GSG1L: variants seen among roughly 807,000 people sequenced by gnomAD.
GSG1L encodes the protein GSG1 like.
In GSG1L, 24 loss-of-function variants were observed where a neutral mutation model predicts 42.1. The ratio of observed to expected loss-of-function variants is 0.57; its 90% confidence interval spans 0.41 to 0.80. The LOEUF is 0.80. Among genes scored for constraint, GSG1L ranks in the 30% least tolerant of loss-of-function variants. The pLI is 0.00. For synonymous variants in GSG1L, 215 were observed against 203.5 expected (o/e 1.06, Z -0.48); for missense variants, 445 against 472.2 (o/e 0.94, Z 0.53).
At chr16:28,062,953 G>A (rs1024878586) in intron 1 of GSG1L, 123 bp downstream of exon 1, 8 of 1,183,008 alleles carry the variant, frequency 6.8e-6, no homozygotes, top group African/African-American at 4.8e-5. Flanking sequence ...CTAGCCAGGC[G>A]GAGCGCTGGG....
intron 3 of GSG1L, 148 bp from the exon 4 acceptor site, chr16:27,845,209 C>A: frequency 7.1e-6 from 4 of 563,138 alleles, no homozygotes; most frequent in Non-Finnish European, 9.6e-6. Flanking sequence ...TCAGCAGGAA[C>A]AGAGCTTGGG....
intron 2 of GSG1L, among the ~76,000 whole-genome samples, chr16:27,936,176 G>A (rs1048253102): frequency 4.6e-5 from 7 of 151,888 alleles, no homozygotes; most frequent in African/African-American, 9.7e-5. Context: ...CATCCTTATC[G>A]GCAGACCATC....
chr16:27,836,226 T>C (rs1027161874), intron 4 of GSG1L, among the ~76,000 whole-genome samples: 3 of 152,160 alleles, frequency 2.0e-5, no homozygotes, highest in Non-Finnish European at 4.4e-5. Context: ...CCACTGTTGC[T>C]TGAATTTTTT....
intron 6 of GSG1L, among the ~76,000 whole-genome samples, chr16:27,798,625 G>T (rs2144403716): frequency 6.6e-6 from 1 of 152,206 alleles, no homozygotes; most frequent in Non-Finnish European, 1.5e-5. Flanking sequence ...TGCCCAGCAG[G>T]GCCCCCTAAA....
Position 27,919,106 on chromosome 16 carries a change from C to T in GSG1L, c.398-34468G>A, listed in dbSNP as rs540805915. Among the ~76,000 whole-genome samples the T allele has an allele frequency of 5.3e-5, 8 of 152,292 alleles. No homozygotes were observed. In the South Asian group the frequency reaches 1.7e-3, roughly 32 times the overall value. On this transcript the variant is annotated intron_variant, in intron 2 of 6. Transcript: ENST00000447459. ...ATTCCATCATGAGCCACAGTAGAAACAGGCCCAGAGATGAGTGCAACTTGC... is the reference window on the plus strand; with the variant it reads ...ATTCCATCATGAGCCACAGTAGAAATAGGCCCAGAGATGAGTGCAACTTGC...
chr16:28,039,252 G>A (rs1195060963), intron 1 of GSG1L, among the ~76,000 whole-genome samples: 1 of 152,162 alleles, frequency 6.6e-6, no homozygotes, highest in African/African-American at 2.4e-5. Context: ...CACCCATGCT[G>A]TGTATTTTCC....
At chr16:27,894,489 C>T (rs2141035880) in intron 2 of GSG1L, among the ~76,000 whole-genome samples, 1 of 152,318 alleles carries the variant, frequency 6.6e-6, no homozygotes, top group Admixed American at 6.5e-5. Flanking sequence ...AAAAATCCAT[C>T]AGTTTAATAC....
chr16:27,859,893 G>T (rs1200280949), intron 3 of GSG1L, among the ~76,000 whole-genome samples: 1 of 151,752 alleles, frequency 6.6e-6, no homozygotes, highest in Non-Finnish European at 1.5e-5. Flanking sequence ...TGTTGGCTAG[G>T]CTTATCTGGA....
At chr16:27,921,636 A>C (rs1025764697) in intron 2 of GSG1L, among the ~76,000 whole-genome samples, 29 of 152,000 alleles carry the variant, frequency 1.9e-4, no homozygotes, top group Admixed American at 1.1e-3. Context: ...CTCATCCCTC[A>C]CAAGCTTTCT....
At position 28,063,202 on chromosome 16, in the gene GSG1L, T is replaced by TGGCGGC. The variant is rs746146565; in HGVS notation, c.217_222dup (p.Ala73_Ala74dup). 9.1e-5 allele frequency: 117 copies of TGGCGGC among 1,282,002 alleles called. No individual in the cohort carries two copies. Among genetic ancestry groups the TGGCGGC allele is most frequent in the African/African-American group, 4.4e-4 (28 of 63,424 alleles). 79.4% of individuals were successfully genotyped at this position (1,282,002 alleles called of 1,614,324 possible). Reference sequence around the variant, plus strand: ...CCAGGGGGGCCGTTCCCCGAGGCGGTGGCGGCGGCGGCGGCGGCGGCGGGG... The same window carrying TGGCGGC: ...CCAGGGGGGCCGTTCCCCGAGGCGGTGGCGGCGGCGGCGGCGGCGGCGGCGGCGGGG... On this transcript the variant is annotated inframe_insertion, in exon 1 of 7. Coordinates refer to ENST00000447459, the MANE Select transcript of GSG1L (RefSeq NM_001109763.2). This position sits in a 1 kb window ranked among gnomAD's most constrained non-coding sequence, Gnocchi z 5.8.
At chr16:27,875,352 G>A (rs530711014) in intron 3 of GSG1L, among the ~76,000 whole-genome samples, 18 of 152,134 alleles carry the variant, frequency 1.2e-4, no homozygotes, top group South Asian at 2.1e-4. Context: ...TTACCTTCTC[G>A]TCAATACTCC....
In GSG1L at chr16:27,921,568, C is replaced by T. The variant is rs1166885570; in HGVS notation, c.398-36930G>A. Among the ~76,000 whole-genome samples, 2 of 152,328 alleles carry T rather than the reference C, an allele frequency of 1.3e-5. 1 individual carries two copies. The highest frequency in any genetic ancestry group is 4.1e-4 in the South Asian group (2 of 4,824). Reference sequence around the variant, plus strand: ...CCCACCATTCCCCAAAAGAGACATGCAAGGCACATTCATGTGCCTGGATTT... The same window carrying T: ...CCCACCATTCCCCAAAAGAGACATGTAAGGCACATTCATGTGCCTGGATTT... On this transcript the variant is annotated intron_variant, in intron 2 of 6. Coordinates refer to ENST00000447459, the MANE Select transcript of GSG1L (RefSeq NM_001109763.2).
At chr16:28,035,545 G>A (rs2086024476) in intron 1 of GSG1L, among the ~76,000 whole-genome samples, 1 of 152,056 alleles carries the variant, frequency 6.6e-6, no homozygotes, top group Admixed American at 6.6e-5. Flanking sequence ...GCTGTACCGG[G>A]ACCATGTTTA....
At chr16:27,956,902 C>A (rs895539085) in intron 2 of GSG1L, among the ~76,000 whole-genome samples, 2 of 152,114 alleles carry the variant, frequency 1.3e-5, no homozygotes, top group Non-Finnish European at 2.9e-5. Context: ...CTGGCCAATG[C>A]ACCAGGTTTT....
chr16:28,046,229 C>T (rs1272323570), intron 1 of GSG1L, among the ~76,000 whole-genome samples: 1 of 151,868 alleles, frequency 6.6e-6, no homozygotes, highest in Non-Finnish European at 1.5e-5. Context: ...AAGGTTTAAA[C>T]CTGTGGAGTC....
intron 1 of GSG1L, among the ~76,000 whole-genome samples, chr16:27,988,898 C>CA (rs2085421148): frequency 6.6e-6 from 1 of 151,446 alleles, no homozygotes; most frequent in South Asian, 2.1e-4. Flanking sequence ...ACTAAAAATA[C>CA]AAAAGTTAGC....
At chr16:27,825,733 A>G (rs574602335) in intron 5 of GSG1L, among the ~76,000 whole-genome samples, 40 of 146,028 alleles carry the variant, frequency 2.7e-4, no homozygotes, top group African/African-American at 1.0e-3. Flanking sequence ...GTGGGAGGTA[A>G]TTGAATCATG....
chr16:28,048,058 A>C (rs2086183249), intron 1 of GSG1L, among the ~76,000 whole-genome samples: 1 of 138,250 alleles, frequency 7.2e-6, no homozygotes, highest in South Asian at 2.1e-4. Flanking sequence ...ATCTTTACAA[A>C]AAAAAAAAAA....
intron 3 of GSG1L, among the ~76,000 whole-genome samples, chr16:27,864,216 C>A (rs1472579024): frequency 6.6e-6 from 1 of 152,130 alleles, no homozygotes; most frequent in Non-Finnish European, 1.5e-5. Context: ...TCATTGTGGG[C>A]AAGGAGATGG....
Sources: allele counts gnomAD v4.1 joint callset (sites outside exome capture counted in the v4.1 genomes callset), GRCh38; gene constraint gnomAD v4.1.1; non-coding constraint Gnocchi (gnomAD v3.1); transcripts MANE v1.5; gene names NCBI Gene and HGNC (gene_info 2026-07-23, HGNC 2026-07-21).